The following SYNPO variants were observed in gnomAD, a reference collection of about 807,000 sequenced individuals.
The protein encoded by SYNPO is synaptopodin.
A neutral mutation model predicts 49.5 loss-of-function variants in SYNPO; 19 were observed. The ratio of observed to expected loss-of-function variants is 0.38; its 90% CI spans 0.27 to 0.56. The LOEUF is 0.56. Among genes scored for constraint, SYNPO ranks in the 20% least tolerant of loss-of-function variants. SYNPO has a pLI of 0.68. For missense variants in SYNPO, 1,131 were observed against 1,248.3 expected (o/e 0.91, Z 1.42); for synonymous variants, 536 against 548.0 (o/e 0.98, Z 0.31).
At chr5:150,651,524 G>C in intron 2 of SYNPO, 1 of 1,001,416 alleles carries the variant, frequency 1.0e-6, no homozygotes, top group South Asian at 4.7e-5. Flanking sequence ...GCGTTAGATG[G>C]CTGTGAGGGT....
chr5:150,599,629 A>G (rs138783257), upstream of SYNPO, among the ~76,000 whole-genome samples: 2,474 of 152,202 alleles, frequency 0.016, 37 homozygotes, highest in Middle Eastern at 0.037. Flanking sequence ...CCTACTGCAA[A>G]GTGTATCGGA....
intron 2 of SYNPO, chr5:150,650,890 C>T (rs1353537070): frequency 7.9e-7 from 1 of 1,258,034 alleles, no homozygotes; most frequent in Admixed American, 3.8e-5. Flanking sequence ...ACACCGTTTC[C>T]TCTCCGCTGC....
intron 1 of SYNPO, among the ~76,000 whole-genome samples, chr5:150,616,998 C>T (rs903732691): frequency 1.3e-5 from 2 of 152,142 alleles, no homozygotes; most frequent in Non-Finnish European, 2.9e-5. Context: ...GCTATATCCC[C>T]AGTACTTTTT....
At chr5:150,616,826 A>T (rs1279629518) in intron 1 of SYNPO, among the ~76,000 whole-genome samples, 2 of 151,884 alleles carry the variant, frequency 1.3e-5, no homozygotes, top group Non-Finnish European at 2.9e-5. Flanking sequence ...TATCTCTCCC[A>T]TCTACCCCCT....
At chr5:150,590,233 G>A in the SYNPO span, among the ~76,000 whole-genome samples, 83 of 152,336 alleles carry the variant, frequency 5.4e-4, no homozygotes, top group African/African-American at 2.0e-3. Context: ...ATCAAGAGGT[G>A]AATGAGGCCT....
chr5:150,611,975 G>A (rs993844334), intron 1 of SYNPO, among the ~76,000 whole-genome samples: 7 of 152,224 alleles, frequency 4.6e-5, no homozygotes, highest in African/African-American at 9.6e-5. Flanking sequence ...AAAATGCTGG[G>A]GTTTCTCATG....
the SYNPO span, among the ~76,000 whole-genome samples, chr5:150,593,292 C>A: frequency 1.3e-5 from 2 of 152,168 alleles, no homozygotes; most frequent in African/African-American, 4.8e-5. Flanking sequence ...AGGAGGAAAG[C>A]TCCTTTCTGA....
chr5:150,587,220 A>C, the SYNPO span, among the ~76,000 whole-genome samples: 1 of 152,010 alleles, frequency 6.6e-6, no homozygotes, highest in African/African-American at 2.4e-5. Flanking sequence ...ATAGGGATGC[A>C]TGGATGGATA....
intron 2 of SYNPO, among the ~76,000 whole-genome samples, chr5:150,626,906 AT>A (rs1757375722): frequency 6.6e-6 from 1 of 152,160 alleles, no homozygotes; most frequent in African/African-American, 2.4e-5. Flanking sequence ...GAGGAGAAGC[AT>A]GGGAGGAACC....
chr5:150,595,119 G>A, the SYNPO span, among the ~76,000 whole-genome samples: 35 of 152,298 alleles, frequency 2.3e-4, no homozygotes, highest in Admixed American at 1.0e-3. Context: ...AAGCTGAGGC[G>A]GACCCTCTTC....
intron 1 of SYNPO, among the ~76,000 whole-genome samples, chr5:150,609,358 T>C (rs868597604): frequency 1.2e-4 from 18 of 152,334 alleles, no homozygotes; most frequent in Middle Eastern, 6.8e-3. Context: ...GCAATGGCTC[T>C]ATCTCGGCTC....
At position 150,658,134 on chromosome 5, in the gene SYNPO, G is replaced by T. The variant is rs1226440560; in HGVS notation, c.*1047G>T. ...ATGCATAGAGGAGATTCTAGCAGGG[G>T]ACAGGATTGGCTCAGATGACCCCTG... On this transcript the variant is annotated 3_prime_UTR_variant, in exon 3 of 3. Coordinates refer to ENST00000307662, the MANE Select transcript of SYNPO (RefSeq NM_007286.6). The T allele has an allele frequency of 6.6e-6, 1 of 152,302 alleles. No individual in the cohort carries two copies. The highest frequency in any genetic ancestry group is 1.5e-5 in the Non-Finnish European group (1 of 68,052). The allele number at this position is 152,302 out of a possible 1,614,324, so 9.4% of individuals were successfully genotyped here.
At chr5:150,609,787 G>GGGC (rs921400019) in intron 1 of SYNPO, among the ~76,000 whole-genome samples, 3 of 61,802 alleles carry the variant, frequency 4.9e-5, no homozygotes, top group Non-Finnish European at 1.1e-4. Context: ...TGAATGTGGC[G>GGGC]GGGGGGGGCA....
At chr5:150,607,266 GA>G (rs1467431561) in intron 1 of SYNPO, among the ~76,000 whole-genome samples, 2 of 150,478 alleles carry the variant, frequency 1.3e-5, no homozygotes, top group African/African-American at 2.4e-5. Flanking sequence ...GCTGTCGAAA[GA>G]AAAAAAAAGC....
chr5:150,618,910 T>G, intron 2 of SYNPO: 12 of 1,048,742 alleles, frequency 1.1e-5, no homozygotes, highest in Non-Finnish European at 8.2e-6. Flanking sequence ...TTAACAGCTG[T>G]GGAGAGATAG....
intron 2 of SYNPO, chr5:150,653,141 G>A (rs150481958): frequency 1.8e-4 from 27 of 152,288 alleles, no homozygotes; most frequent in African/African-American, 6.3e-4. Context: ...TGGTGTGCAC[G>A]GTGCATTGAG....
chr5:150,618,989 G>C (rs1337652292), intron 2 of SYNPO, among the ~76,000 whole-genome samples: 1 of 151,988 alleles, frequency 6.6e-6, no homozygotes, highest in Admixed American at 6.5e-5. Flanking sequence ...CTGCCAAAGA[G>C]GGCACGTGAG....
In SYNPO at chr5:150,656,775, G is replaced by T. The variant is rs1156898468; in HGVS notation, c.2400G>T (p.Pro800=). ...PPPPPPPPPP[P]RMRSPQPARP... ...CGCCCCCGCCCCCGCCCCCGCCCCC[G>T]CGCATGCGCTCGCCACAGCCCGCCC... The change falls in exon 3 of 3, where the codon CCG becomes CCT. Residue 800 remains proline, a synonymous_variant. Coordinates refer to ENST00000307662, the MANE Select transcript of SYNPO (RefSeq NM_007286.6). 8 of 470,510 alleles carry T rather than the reference G, an allele frequency of 1.7e-5. No individual in the cohort carries two copies. In the East Asian group the frequency reaches 6.2e-4, roughly 37 times the overall value. The allele number at this position is 470,510 out of a possible 1,614,324, so 29.1% of individuals were successfully genotyped here.
chr5:150,601,311 G>A (rs2151331373), intron 1 of SYNPO: 1 of 152,462 alleles, frequency 6.6e-6, no homozygotes, highest in East Asian at 1.9e-4. Flanking sequence ...TGCCTGTAGG[G>A]CCAGGGCCCT....
Sources: allele counts gnomAD v4.1 joint callset (sites outside exome capture counted in the v4.1 genomes callset), GRCh38; gene constraint gnomAD v4.1.1; transcripts MANE v1.5; gene names NCBI Gene and HGNC (gene_info 2026-07-23, HGNC 2026-07-21).